SHPRH: variants seen among roughly 807,000 people sequenced by gnomAD.
SHPRH encodes E3 ubiquitin-protein ligase SHPRH.
A neutral mutation model predicts 202.5 loss-of-function variants in SHPRH; 106 were observed. That is an observed-to-expected ratio of 0.52 (90% confidence interval 0.45 to 0.62). SHPRH has a LOEUF of 0.62. Ranked by LOEUF, SHPRH falls within the 20% of genes least tolerant of loss-of-function variation. The pLI is 0.00. For synonymous variants in SHPRH, 729 were observed against 686.0 expected (o/e 1.06, Z -0.98); for missense variants, 1,710 against 2,020.0 (o/e 0.85, Z 2.94).
At chr6:145,895,230 G>T (rs1245443697) in intron 25 of SHPRH, among the ~76,000 whole-genome samples, 1 of 152,054 alleles carries the variant, frequency 6.6e-6, no homozygotes, top group East Asian at 1.9e-4. Context: ...TAAGTGCTAT[G>T]ACCCTGAACA....
At position 145,886,244 on chromosome 6, in the gene SHPRH, C is replaced by G. The variant is rs769057470; in HGVS notation, c.*447G>C. 18 of 463,572 alleles carry G rather than the reference C, an allele frequency of 3.9e-5. No homozygotes were observed. The highest frequency in any genetic ancestry group is 6.5e-5 in the Non-Finnish European group (16 of 247,260). The allele number at this position is 463,572 out of a possible 1,614,324, so 28.7% of individuals were successfully genotyped here. A position where few individuals can be genotyped will look rare whatever the true frequency, so the allele number is the denominator to read the frequency against. The stretch of plus-strand genomic sequence containing the variant: ...AATTCACCATCTACTTAAAATATTA[C>G]TAACAAGATATTGGTGAATCATGTG... On this transcript the variant is annotated 3_prime_UTR_variant, in exon 30 of 30. Transcript: ENST00000275233.
At chr6:145,873,693 GAGGAAGGA>G (rs540366997) in intron 2 of SHPRH, among the ~76,000 whole-genome samples, 4 of 106,408 alleles carry the variant, frequency 3.8e-5, no homozygotes, top group African/African-American at 1.5e-4. Flanking sequence ...ACAGTTGCTA[GAGGAAGGA>G]AGGAAGGAAG....
chr6:145,882,842 A>C (rs1458543373), downstream of SHPRH, among the ~76,000 whole-genome samples: 2 of 152,178 alleles, frequency 1.3e-5, no homozygotes, highest in Admixed American at 1.3e-4. Flanking sequence ...ATAAATAATA[A>C]AATATGCAGA....
Position 145,886,558 on chromosome 6 carries a change from GAAC to G in SHPRH, c.*130_*132del. 3 of 1,472,282 alleles carry G rather than the reference GAAC, an allele frequency of 2.0e-6. No homozygotes were observed. Among genetic ancestry groups the G allele is most frequent in the South Asian group, 2.7e-5 (2 of 73,158 alleles). 91.2% of individuals were successfully genotyped at this position (1,472,282 alleles called of 1,614,324 possible). On this transcript the variant is annotated 3_prime_UTR_variant, in exon 30 of 30. Transcript: ENST00000275233. ...TAAGTACTAAGCCACTGTATAACCA[GAAC>G]AATAAACAAATTCATTCAACTAGGA...
chr6:145,927,433 C>A (rs1435945795), intron 14 of SHPRH, 156 bp from the exon 15 acceptor site: 1 of 585,910 alleles, frequency 1.7e-6, no homozygotes, highest in Admixed American at 3.2e-5. Flanking sequence ...AATATGATTG[C>A]CCAAGTTTTA....
At chr6:145,927,416 TGG>T in intron 14 of SHPRH, 139 bp from the exon 15 acceptor site, 1 of 745,824 alleles carries the variant, frequency 1.3e-6, no homozygotes, top group Middle Eastern at 3.2e-4. Context: ...AAATTTGACT[TGG>T]TATTAATATG....
In SHPRH at chr6:145,943,812, A is replaced by C. The variant is rs2128784312; in HGVS notation, c.1579-10T>G. ...TTGGACTCCCTACTGCCTATGAAAA[A>C]AATATTTAATTAATTGATTGCAACT... On this transcript the variant is annotated splice_polypyrimidine_tract_variant and intron_variant, in intron 8 of 29. Coordinates refer to ENST00000275233, the MANE Select transcript of SHPRH (RefSeq NM_001042683.3). 6.5e-7 allele frequency: 1 copy of C among 1,546,452 alleles called. No individual in the cohort carries two copies. Among genetic ancestry groups the C allele is most frequent in the East Asian group, 2.3e-5 (1 of 44,380 alleles).
intron 21 of SHPRH, among the ~76,000 whole-genome samples, chr6:145,920,499 T>C (rs1376056022): frequency 1.3e-5 from 2 of 152,116 alleles, no homozygotes; most frequent in Non-Finnish European, 2.9e-5. Context: ...TAACTATCTC[T>C]CTGCATAAAA....
intron 28 of SHPRH, 45 bp from the exon 29 acceptor site, chr6:145,888,145 A>G (rs1277666351): frequency 3.6e-6 from 5 of 1,396,148 alleles, no homozygotes; most frequent in Non-Finnish European, 5.0e-6. Context: ...ATAGTAAAAC[A>G]AATCAGTACA....
chr6:145,933,246 A>T lies in SHPRH; in HGVS notation c.2991-68T>A, dbSNP rs754081307. On this transcript the variant is annotated intron_variant, in intron 13 of 29. Coordinates refer to ENST00000275233, the MANE Select transcript of SHPRH (RefSeq NM_001042683.3). ...CAAGTGTGACTTCAGTGGGAGTGTT[A>T]TATCTCACATGATCAAGAGTGTATG... The T allele has an allele frequency of 1.6e-5, 26 of 1,608,288 alleles. No homozygotes were observed. The South Asian group carries it at 2.9e-4, about 18-fold the overall frequency.
At chr6:145,857,876 A>G in the SHPRH span, among the ~76,000 whole-genome samples, 1 of 152,146 alleles carries the variant, frequency 6.6e-6, no homozygotes, top group Admixed American at 6.5e-5. Context: ...CAACCATAAG[A>G]AATCAATCAA....
rs191685780 is a variant in SHPRH at position 145,886,851 on chromosome 6, T to C, written c.4956-64A>G. 2.5e-4 allele frequency: 387 copies of C among 1,548,238 alleles called. No homozygotes were observed. The African/African-American group carries it at 3.0e-3, about 12-fold the overall frequency. ...CCCAAGCCATCAGCGATTATATTTG[T>C]AGTAATACGAACTAGACACATATTT... On this transcript the variant is annotated intron_variant, in intron 29 of 29. Transcript: ENST00000275233.
At chr6:145,865,725 C>T (rs887979715) in intron 2 of SHPRH, among the ~76,000 whole-genome samples, 9 of 152,208 alleles carry the variant, frequency 5.9e-5, no homozygotes, top group African/African-American at 2.2e-4. Flanking sequence ...GCAATCTCTC[C>T]AAGAGTTGGG....
Position 145,885,539 on chromosome 6 carries a change from A to C in SHPRH, c.*1152T>G, listed in dbSNP as rs1293656334. 6.6e-6 allele frequency: 1 copy of C among 152,188 alleles called. No individual in the cohort carries two copies. Among genetic ancestry groups the C allele is most frequent in the Non-Finnish European group, 1.5e-5 (1 of 68,022 alleles). The allele number at this position is 152,188 out of a possible 1,614,324, so 9.4% of individuals were successfully genotyped here. A position where few individuals can be genotyped will look rare whatever the true frequency, so the allele number is the denominator to read the frequency against. On this transcript the variant is annotated 3_prime_UTR_variant, in exon 30 of 30. Transcript: ENST00000275233. Reference sequence around the variant, plus strand: ...TTTAAAACTCTGAAGGCTCAAAGAAAAGGAAGCCAAATAAGAACATTTGTA... The same window carrying C: ...TTTAAAACTCTGAAGGCTCAAAGAACAGGAAGCCAAATAAGAACATTTGTA...
chr6:145,953,562 C>A (rs536163335), intron 2 of SHPRH, among the ~76,000 whole-genome samples: 68 of 152,180 alleles, frequency 4.5e-4, no homozygotes, highest in Non-Finnish European at 8.8e-4. Context: ...TAAATGTTCT[C>A]CTTTCCTTCT....
chr6:145,912,220 T>C (rs1182342540), intron 24 of SHPRH, among the ~76,000 whole-genome samples: 1 of 151,800 alleles, frequency 6.6e-6, no homozygotes, highest in Non-Finnish European at 1.5e-5. Flanking sequence ...AGATTCTAAT[T>C]TAATAGCCCT....
At position 145,878,191 on chromosome 6, in the gene SHPRH, G is replaced by C. The variant is rs116923005; in HGVS notation, c.221+9829C>G. ...TTTAGGTTCACAGCAAAATTGAGCA[G>C]AAAGTACACAGAGTTCTCATATACC... On this transcript the variant is annotated intron_variant, in intron 2 of 2. Transcript: ENST00000417762. Among the ~76,000 whole-genome samples, 636 of 152,298 alleles carry C rather than the reference G, an allele frequency of 4.2e-3. 18 individuals are homozygous for C. The East Asian group carries it at 0.071, about 17-fold the overall frequency.
At chr6:145,919,999 A>G (rs1055062453) in intron 21 of SHPRH, among the ~76,000 whole-genome samples, 8 of 152,084 alleles carry the variant, frequency 5.3e-5, no homozygotes, top group African/African-American at 1.9e-4. Flanking sequence ...ACTATTCTGA[A>G]TTGTACTTAT....
chr6:145,879,103 C>T lies in SHPRH; in HGVS notation c.221+8917G>A, dbSNP rs529704453. On this transcript the variant is annotated intron_variant, in intron 2 of 2. Transcript: ENST00000417762. ...TTTCTCAGTGCTTATGAGCTGGGTC[C>T]CTTTGGTGGACAGTATTTGTGCAAA... Among the ~76,000 whole-genome samples the T allele has an allele frequency of 2.0e-5, 3 of 152,108 alleles. No individual in the cohort carries two copies. In the South Asian group the frequency reaches 6.2e-4, roughly 32 times the overall value.
Sources: gnomAD v4.1 joint callset for allele counts (sites outside exome capture counted in the v4.1 genomes callset) on GRCh38, gnomAD v4.1.1 for gene constraint, MANE v1.5 for transcripts, NCBI Gene and HGNC (gene_info 2026-07-23, HGNC 2026-07-21) for gene names.